Variants in IL1RAPL2 observed in about 807,000 individuals in gnomAD.
IL1RAPL2 encodes interleukin 1 receptor accessory protein like 2, also known as X-linked interleukin-1 receptor accessory protein-like 2.
In IL1RAPL2, 3 loss-of-function variants were observed where a neutral mutation model predicts 44.1. The observed-to-expected ratio is 0.07, with a 90% confidence interval of 0.03 to 0.18. The LOEUF is 0.18. IL1RAPL2 is among the 10% of genes least tolerant of loss of function. IL1RAPL2 has a pLI of 1.00. For synonymous variants in IL1RAPL2, 181 were observed against 178.8 expected (o/e 1.01, Z -0.10); for missense variants, 391 against 496.4 (o/e 0.79, Z 2.02).
At chrX:105,326,148 G>A (rs1336853675) in intron 5 of IL1RAPL2, among the ~76,000 whole-genome samples, 2 of 111,109 alleles carry the variant, frequency 1.8e-5, no homozygotes, top group Non-Finnish European at 3.8e-5. Flanking sequence ...CAACTCTTGG[G>A]CTCAAACAAT....
At chrX:105,237,591 G>A (rs1013883630) in intron 4 of IL1RAPL2, among the ~76,000 whole-genome samples, 1 of 111,876 alleles carries the variant, frequency 8.9e-6, no homozygotes, top group Non-Finnish European at 1.9e-5. Context: ...TTCTCTGATG[G>A]CCAGTGATGA....
intron 2 of IL1RAPL2, among the ~76,000 whole-genome samples, chrX:104,957,517 T>C (rs1049545447): frequency 1.8e-5 from 2 of 111,310 alleles, no homozygotes; most frequent in African/African-American, 3.3e-5. Flanking sequence ...CTGATTATAG[T>C]GTAATTGGAT....
chrX:105,761,197 A>G (rs1430790470), intron 10 of IL1RAPL2, among the ~76,000 whole-genome samples: 1 of 103,160 alleles, frequency 9.7e-6, no homozygotes, highest in East Asian at 3.2e-4. Context: ...AAAAAAAAGA[A>G]AAAGAAAAAA....
chrX:105,158,070 C>T (rs905524230), intron 2 of IL1RAPL2, among the ~76,000 whole-genome samples: 1 of 110,899 alleles, frequency 9.0e-6, no homozygotes, highest in Non-Finnish European at 1.9e-5. Flanking sequence ...CACCAGGCGC[C>T]GTGGCTCACG....
rs763907472 is a variant in IL1RAPL2 at position 105,569,518 on chromosome X, A to T, written c.772+85131A>T. 2.2e-3 allele frequency among the ~76,000 whole-genome samples: 244 copies of T among 111,431 alleles called. 1 individual carries two copies. In the Middle Eastern group the frequency reaches 0.028, roughly 13 times the overall value. On this transcript the variant is annotated intron_variant, in intron 6 of 10. Transcript: ENST00000372582. ...GTGACTCCTGTAATTTCTTGATGGG[A>T]GCATTTAATTGCCAGTGCTCAGCTC...
At chrX:104,955,755 G>C (rs1301617303) in intron 2 of IL1RAPL2, among the ~76,000 whole-genome samples, 1 of 110,500 alleles carries the variant, frequency 9.0e-6, no homozygotes, top group Non-Finnish European at 1.9e-5. Context: ...TTCTGTCCCA[G>C]CAGGAAACAC....
chrX:105,647,827 C>T (rs1394722425), intron 6 of IL1RAPL2, among the ~76,000 whole-genome samples: 3 of 112,192 alleles, frequency 2.7e-5, no homozygotes, highest in Non-Finnish European at 5.6e-5. Context: ...TTTTCCCTCA[C>T]GGGTTCTTTA....
intron 2 of IL1RAPL2, among the ~76,000 whole-genome samples, chrX:105,140,426 A>T (rs940252676): frequency 5.3e-5 from 6 of 112,648 alleles, no homozygotes; most frequent in African/African-American, 1.9e-4. Context: ...AATGCCAAAG[A>T]TAGAATAAAA....
intron 3 of IL1RAPL2, among the ~76,000 whole-genome samples, chrX:105,205,841 G>A (rs1443314340): frequency 1.8e-5 from 2 of 109,666 alleles, no homozygotes; most frequent in African/African-American, 6.6e-5. Context: ...TTTAAAAAAT[G>A]ATTACTTTGG....
At chrX:104,928,347 A>G (rs934237521) in intron 2 of IL1RAPL2, among the ~76,000 whole-genome samples, 1 of 111,569 alleles carries the variant, frequency 9.0e-6, no homozygotes, top group Non-Finnish European at 1.9e-5. Flanking sequence ...AGAATTTGCC[A>G]CCGAGTGTCT....
chrX:104,948,856 C>G (rs1925477150), intron 2 of IL1RAPL2, among the ~76,000 whole-genome samples: 1 of 110,138 alleles, frequency 9.1e-6, no homozygotes, highest in Non-Finnish European at 1.9e-5. Context: ...CAATGTTCAT[C>G]AAGGATATTG....
intron 2 of IL1RAPL2, among the ~76,000 whole-genome samples, chrX:105,152,097 A>G (rs1340156698): frequency 9.0e-6 from 1 of 110,953 alleles, no homozygotes; most frequent in Admixed American, 9.6e-5. Context: ...ATCACCACCA[A>G]AGAACTTACT....
intron 2 of IL1RAPL2, among the ~76,000 whole-genome samples, chrX:104,953,379 C>T (rs779427797): frequency 8.9e-6 from 1 of 111,998 alleles, no homozygotes; most frequent in Admixed American, 9.5e-5. Context: ...TCTCTATAAA[C>T]ATATATTTGG....
intron 1 of IL1RAPL2, among the ~76,000 whole-genome samples, chrX:104,633,351 C>A (rs1929701805): frequency 9.0e-6 from 1 of 111,473 alleles, no homozygotes; most frequent in African/African-American, 3.3e-5. Context: ...TGATACTGGC[C>A]TCATAAAATG....
intron 2 of IL1RAPL2, among the ~76,000 whole-genome samples, chrX:105,184,465 CAT>C (rs1349055818): frequency 2.6e-4 from 15 of 57,913 alleles, no homozygotes; most frequent in Non-Finnish European, 4.2e-4. Flanking sequence ...TTGAAGAGCA[CAT>C]GATATAAATA....
At chrX:105,495,092 A>G (rs1231470349) in intron 6 of IL1RAPL2, among the ~76,000 whole-genome samples, 4 of 112,456 alleles carry the variant, frequency 3.6e-5, no homozygotes, top group African/African-American at 9.7e-5. Context: ...ACAAATGGAT[A>G]CTGAAAGATC....
chrX:105,393,068 A>G (rs1701128782), intron 5 of IL1RAPL2, among the ~76,000 whole-genome samples: 1 of 112,749 alleles, frequency 8.9e-6, no homozygotes, highest in Admixed American at 9.4e-5. Flanking sequence ...CAGTAAAGAA[A>G]GTTTAATTGA....
intron 2 of IL1RAPL2, among the ~76,000 whole-genome samples, chrX:104,905,875 A>T (rs1302908070): frequency 9.1e-6 from 1 of 110,489 alleles, no homozygotes; most frequent in Non-Finnish European, 1.9e-5. Context: ...ATGGCATTGA[A>T]TCTATAAATT....
intron 5 of IL1RAPL2, among the ~76,000 whole-genome samples, chrX:105,322,998 C>T (rs969067174): frequency 8.9e-6 from 1 of 111,775 alleles, no homozygotes; most frequent in African/African-American, 3.3e-5. Flanking sequence ...TGTGACTGTT[C>T]ATTTTTTCCG....
Sources: gnomAD v4.1 joint callset for allele counts (sites outside exome capture counted in the v4.1 genomes callset) on GRCh38, gnomAD v4.1.1 for gene constraint, MANE v1.5 for transcripts, NCBI Gene and HGNC (gene_info 2026-07-23, HGNC 2026-07-21) for gene names.